PLEKHA4: variants seen among roughly 807,000 people sequenced by gnomAD.
The protein encoded by PLEKHA4 is pleckstrin homology domain containing A4.
In PLEKHA4, 73 loss-of-function variants were observed where a neutral mutation model predicts 94.7. The ratio of observed to expected loss-of-function variants is 0.77; its 90% CI spans 0.64 to 0.94. The LOEUF is 0.94. Ranked by LOEUF, PLEKHA4 falls within the 40% of genes least tolerant of loss-of-function variation. The pLI is 0.00. For synonymous variants in PLEKHA4, 449 were observed against 437.1 expected (o/e 1.03, Z -0.34); for missense variants, 1,049 against 1,054.1 (o/e 1.00, Z 0.07).
intron 17 of PLEKHA4, among the ~76,000 whole-genome samples, 192 bp downstream of exon 17, chr19:48,840,957 G>A (rs894579213): frequency 2.8e-5 from 4 of 140,458 alleles, no homozygotes; most frequent in Admixed American, 7.6e-5. Flanking sequence ...TCCCCTCACT[G>A]CCACTCCTGT....
Position 48,859,459 on chromosome 19 carries a change from C to G in PLEKHA4, c.692+10G>C. 6.2e-7 allele frequency: 1 copy of G among 1,613,436 alleles called. No individual in the cohort carries two copies. The highest frequency in any genetic ancestry group is 1.1e-5 in the South Asian group (1 of 91,054). On this transcript the variant is annotated intron_variant, in intron 7 of 19. Transcript: ENST00000263265. ...TAGGCCACGCCCACAACCATGTCCT[C>G]CCTACTCACTCGGGGCTCCTCGCCC...
chr19:48,861,369 G>A lies in PLEKHA4; in HGVS notation c.366+32C>T, dbSNP rs576737226. The stretch of plus-strand genomic sequence containing the variant: ...CCCGCCCTCATCTCCAGTTCCCATC[G>A]CCTGGTGCACAACATGGATGGATGG... On this transcript the variant is annotated intron_variant, in intron 5 of 19. Coordinates refer to ENST00000263265, the MANE Select transcript of PLEKHA4 (RefSeq NM_020904.3). 119 of 1,576,286 alleles carry A rather than the reference G, an allele frequency of 7.5e-5. 1 individual carries two copies. The South Asian group carries it at 1.2e-3, about 16-fold the overall frequency.
intron 16 of PLEKHA4, among the ~76,000 whole-genome samples, chr19:48,842,543 T>C (rs1253419556): frequency 6.6e-6 from 1 of 152,218 alleles, no homozygotes; most frequent in African/African-American, 2.4e-5. Context: ...GTTTTAAACA[T>C]AGTCTTAATA....
intron 16 of PLEKHA4, among the ~76,000 whole-genome samples, chr19:48,842,385 G>A (rs1417093786): frequency 1.3e-5 from 2 of 151,894 alleles, no homozygotes; most frequent in African/African-American, 4.8e-5. Context: ...TCCTGATCTC[G>A]TGATCCACCT....
Position 48,838,109 on chromosome 19 carries a change from T to C in PLEKHA4, c.1985A>G (p.Tyr662Cys), listed in dbSNP as rs753651116. 1.9e-6 allele frequency: 3 copies of C among 1,607,540 alleles called. No individual in the cohort carries two copies. The highest frequency in any genetic ancestry group is 1.1e-5 in the South Asian group (1 of 90,840). ...SWSSPRNTTP[Y>C]LPTSEGHRER... ...CCGGTGACCTTCGGAAGTCGGCAAG[T>C]AAGGGGTGGTGTTCCTTGGACTAGA... is the stretch of plus-strand genomic sequence containing the variant. Residue 662 changes from tyrosine (Y) to cysteine (C), a missense_variant, in exon 19 of 20, where the codon TAC becomes TGC. Transcript: ENST00000263265.
rs1236294039 is a variant in PLEKHA4, at chr19:48,860,112, C to A, written c.476+238G>T. ...ATCATTCCTGGAGCAGAGCTGAGTG[C>A]GTGACTGAAGGGTCAGCTTGGGGGC... On this transcript the variant is annotated intron_variant, in intron 6 of 19. Transcript: ENST00000263265. The A allele has an allele frequency of 1.0e-5, 6 of 582,628 alleles. No individual in the cohort carries two copies. The African/African-American group carries it at 1.1e-4, about 11-fold the overall frequency. The allele number at this position is 582,628 out of a possible 1,614,324, so 36.1% of individuals were successfully genotyped here. A position where few individuals can be genotyped will look rare whatever the true frequency, so the allele number is the denominator to read the frequency against.
intron 8 of PLEKHA4, among the ~76,000 whole-genome samples, 169 bp from the exon 9 acceptor site, chr19:48,857,665 T>C (rs2036477703): frequency 6.6e-6 from 1 of 151,476 alleles, no homozygotes; most frequent in Admixed American, 6.6e-5. Flanking sequence ...CAGGGTTAAA[T>C]GGATTAAGGG....
At chr19:48,843,841 A>G in intron 16 of PLEKHA4, among the ~76,000 whole-genome samples, 1 of 151,472 alleles carries the variant, frequency 6.6e-6, no homozygotes, top group South Asian at 2.1e-4. Flanking sequence ...TATTTTTAGT[A>G]GAGATGGGTT....
intron 3 of PLEKHA4, among the ~76,000 whole-genome samples, chr19:48,864,731 T>TTG (rs1342172983): frequency 6.6e-6 from 1 of 151,550 alleles, no homozygotes; most frequent in East Asian, 2.0e-4. Context: ...CAGCTAGGTT[T>TTG]TGTGTGTGTG....
rs61755449 is a variant in PLEKHA4 at position 48,845,585 on chromosome 19, G to A, written c.1598C>T (p.Pro533Leu). 3 of 1,605,466 alleles carry A rather than the reference G, an allele frequency of 1.9e-6. No homozygotes were observed. In the East Asian group the frequency reaches 6.7e-5, roughly 36 times the overall value. ...CCCCCAGTCAGTCTCGGGGGACCTA[G>A]GGGAGCTCAGTTCCAAGGACTCTGG... ...SLPESLELSS[P>L]RSPETDWGRP... The change falls in exon 15 of 20, where the codon CCT becomes CTT. Residue 533 changes from proline to leucine, a missense_variant. Physicochemically the swap from Pro to Leu is moderately conservative, Grantham distance 98. Coordinates refer to ENST00000263265, the MANE Select transcript of PLEKHA4 (RefSeq NM_020904.3).
chr19:48,868,040 T>C (rs769716425), intron 1 of PLEKHA4, 43 bp downstream of exon 1: 22 of 167,824 alleles, frequency 1.3e-4, no homozygotes, highest in Middle Eastern at 2.8e-3. Flanking sequence ...GCACCAGGAA[T>C]GTGAACCCAG....
rs778294378 is a variant in PLEKHA4, at chr19:48,857,422, C to G, written c.1047G>C (p.Leu349Phe). ...PPGTRASMVL[L>F]PGPPLESTFH... Reference sequence around the variant, plus strand: ...ATTTAGGGTACTCCAGGATACCTACCAATAAAACCATGGAGGCCCGGGTCC... The same window carrying G: ...ATTTAGGGTACTCCAGGATACCTACGAATAAAACCATGGAGGCCCGGGTCC... Residue 349 changes from leucine to phenylalanine, a missense_variant and splice_region_variant, in exon 9 of 20, where the codon TTG (leucine) becomes TTC (phenylalanine). By Grantham distance (22) the Leu-to-Phe change is conservative. Transcript: ENST00000263265. 1.6e-5 allele frequency: 24 copies of G among 1,516,124 alleles called. No individual in the cohort carries two copies. Among genetic ancestry groups the G allele is most frequent in the Admixed American group, 2.2e-5 (1 of 45,102 alleles). The allele number at this position is 1,516,124 out of a possible 1,614,324, so 93.9% of individuals were successfully genotyped here.
At chr19:48,860,490 T>A (rs753532409) in intron 5 of PLEKHA4, 31 bp from the exon 6 acceptor site, 2 of 1,558,142 alleles carry the variant, frequency 1.3e-6, no homozygotes, top group South Asian at 2.2e-5. Context: ...GAATCCGGAC[T>A]CCCGGGCCTT....
At chr19:48,850,710 G>A (rs1269240467) in intron 13 of PLEKHA4, among the ~76,000 whole-genome samples, 5 of 151,906 alleles carry the variant, frequency 3.3e-5, no homozygotes, top group East Asian at 1.9e-4. Flanking sequence ...CCAGCTACTC[G>A]GGAGGCTGAG....
At chr19:48,864,415 G>A (rs538372) in intron 3 of PLEKHA4, among the ~76,000 whole-genome samples, 28,336 of 151,778 alleles carry the variant, frequency 0.19, 3,538 homozygotes, top group African/African-American at 0.35. Context: ...TGATCCGCCC[G>A]CCTCAGCCTC....
chr19:48,858,350 G>T (rs151218274), intron 8 of PLEKHA4, among the ~76,000 whole-genome samples: 1 of 152,082 alleles, frequency 6.6e-6, no homozygotes, highest in South Asian at 2.1e-4. Context: ...GGCCAGGCGC[G>T]GTGGCTCACG....
intron 13 of PLEKHA4, among the ~76,000 whole-genome samples, chr19:48,851,002 A>G (rs2036163957): frequency 6.6e-6 from 1 of 151,672 alleles, no homozygotes; most frequent in South Asian, 2.1e-4. Context: ...TTAACCGGGC[A>G]TGGTGGTGGT....
chr19:48,854,846 C>G (rs774660224), intron 9 of PLEKHA4, among the ~76,000 whole-genome samples: 4 of 151,506 alleles, frequency 2.6e-5, no homozygotes, highest in Non-Finnish European at 4.4e-5. Context: ...ACAACAGATG[C>G]CAGCCACCGG....
At chr19:48,865,761 TC>T in intron 2 of PLEKHA4, 151 bp from the exon 3 acceptor site, 1 of 577,910 alleles carries the variant, frequency 1.7e-6, no homozygotes, top group Non-Finnish European at 3.1e-6. Context: ...ACACCTGTAA[TC>T]CCAGCACTTT....
Sources: gnomAD v4.1 joint callset for allele counts (sites outside exome capture counted in the v4.1 genomes callset) on GRCh38, gnomAD v4.1.1 for gene constraint, MANE v1.5 for transcripts, NCBI Gene and HGNC (gene_info 2026-07-23, HGNC 2026-07-21) for gene names.